STIM1: variants seen among roughly 807,000 people sequenced by gnomAD.
The protein encoded by STIM1 is stromal interaction molecule 1.
Under a neutral mutation model 74.7 loss-of-function variants are expected in STIM1, and 25 were observed. The observed-to-expected ratio is 0.33, with a 90% CI of 0.24 to 0.47. STIM1 has a LOEUF of 0.47. Ranked by LOEUF, STIM1 falls within the 20% of genes least tolerant of loss-of-function variation. The pLI, the probability that STIM1 is intolerant of heterozygous loss-of-function variation, is 1.00. For synonymous variants in STIM1, 328 were observed against 348.8 expected (o/e 0.94, Z 0.66); for missense variants, 728 against 920.8 (o/e 0.79, Z 2.71).
At chr11:3,874,263 C>G (rs2091236655) in intron 1 of STIM1, among the ~76,000 whole-genome samples, 1 of 152,176 alleles carries the variant, frequency 6.6e-6, no homozygotes, top group Admixed American at 6.5e-5. Context: ...AATGGCCTTG[C>G]TCTGTGAGCT....
chr11:4,003,625 C>G (rs1257354498), intron 2 of STIM1, among the ~76,000 whole-genome samples: 2 of 152,118 alleles, frequency 1.3e-5, no homozygotes, highest in Non-Finnish European at 2.9e-5. Context: ...GACCCACAGC[C>G]AATATCATAC....
chr11:3,887,442 G>A (rs976848280), intron 1 of STIM1, among the ~76,000 whole-genome samples: 4 of 152,258 alleles, frequency 2.6e-5, no homozygotes, highest in Middle Eastern at 3.4e-3. Flanking sequence ...GACTGTAATG[G>A]CATGGGTCAA....
At chr11:3,927,137 C>A (rs532262183) in intron 1 of STIM1, among the ~76,000 whole-genome samples, 1 of 152,188 alleles carries the variant, frequency 6.6e-6, no homozygotes, top group Non-Finnish European at 1.5e-5. Context: ...TCTGGCGGTT[C>A]AGATTTGGTC....
intron 1 of STIM1, among the ~76,000 whole-genome samples, chr11:3,887,549 G>T (rs2091753870): frequency 6.6e-6 from 1 of 152,196 alleles, no homozygotes; most frequent in Admixed American, 6.5e-5. Flanking sequence ...AAGGCATTGA[G>T]ACAGGGCCTG....
At chr11:4,042,754 G>C (rs1455912693) in intron 3 of STIM1, among the ~76,000 whole-genome samples, 2 of 152,128 alleles carry the variant, frequency 1.3e-5, no homozygotes, top group African/African-American at 4.8e-5. Context: ...TCTTCTGGCA[G>C]ATCTGCATCT....
At chr11:3,992,094 T>A (rs1333517955) in intron 2 of STIM1, among the ~76,000 whole-genome samples, 1 of 135,902 alleles carries the variant, frequency 7.4e-6, no homozygotes, top group Non-Finnish European at 1.6e-5. Flanking sequence ...TTTTTGTTTT[T>A]TTTTTTTTTT....
intron 2 of STIM1, 150 bp downstream of exon 2, chr11:3,967,832 A>C: frequency 1.7e-6 from 2 of 1,175,270 alleles, no homozygotes; most frequent in Non-Finnish European, 2.5e-6. Flanking sequence ...TGGCTCCCAG[A>C]AGAGCAGCCC....
Position 4,074,548 on chromosome 11 carries a change from G to C in STIM1, c.838G>C (p.Val280Leu), listed in dbSNP as rs200324686. The change falls in exon 7 of 13, where the codon GTC becomes CTC. Residue 280 changes from valine to leucine, a missense_variant. Transcript: ENST00000526596. ...EEHRTVEVEK[V>L]HLEKKLRDEI... ...GCACCGCACAGTGGAGGTGGAGAAG[G>C]TCCATCTGGAAAAGAAGCTGCGCGA... The C allele has an allele frequency of 6.2e-7, 1 of 1,614,184 alleles. No individual in the cohort carries two copies. Among genetic ancestry groups the C allele is most frequent in the East Asian group, 2.2e-5 (1 of 44,884 alleles).
At position 3,870,869 on chromosome 11, in the gene STIM1, C is replaced by CTT. The variant is rs1178631644; in HGVS notation, c.139+14481_139+14482dup. Among the ~76,000 whole-genome samples the CTT allele has an allele frequency of 4.9e-3, 484 of 98,022 alleles. 5 individuals are homozygous for CTT. The highest frequency in any genetic ancestry group is 5.7e-3 in the African/African-American group (152 of 26,586). The allele number at this position is 98,022 out of a possible 152,430, so 64.3% of individuals were successfully genotyped here. Reference sequence around the variant, plus strand: ...GAGTGACCATATCCTATCAGCTACTCTTTTTTTTTTTTTTTTTTTTTTGAG... The same window carrying CTT: ...GAGTGACCATATCCTATCAGCTACTCTTTTTTTTTTTTTTTTTTTTTTTTGAG... On this transcript the variant is annotated intron_variant, in intron 1 of 12. Transcript: ENST00000526596.
intron 1 of STIM1, among the ~76,000 whole-genome samples, chr11:3,874,799 G>A (rs1258000405): frequency 6.6e-6 from 1 of 152,200 alleles, no homozygotes; most frequent in Non-Finnish European, 1.5e-5. Flanking sequence ...ACAGAATGAA[G>A]TTATAGTGCT....
chr11:3,877,044 GA>G, intron 1 of STIM1, among the ~76,000 whole-genome samples: 1 of 151,996 alleles, frequency 6.6e-6, no homozygotes, highest in Non-Finnish European at 1.5e-5. Context: ...GTTATTGGGA[GA>G]GTTGTTTAAA....
chr11:4,066,598 A>T (rs1468031373), intron 5 of STIM1, among the ~76,000 whole-genome samples: 5 of 151,914 alleles, frequency 3.3e-5, no homozygotes, highest in Non-Finnish European at 4.4e-5. Context: ...CTGTAATTCC[A>T]CTTTGGGAGG....
chr11:4,083,765 C>T lies in STIM1; in HGVS notation c.1474+267C>T, dbSNP rs532810264. 1.6e-5 allele frequency: 8 copies of T among 485,222 alleles called. No homozygotes were observed. In the South Asian group the frequency reaches 2.1e-4, roughly 13 times the overall value. 30.1% of individuals were successfully genotyped at this position (485,222 alleles called of 1,614,324 possible). A position where few individuals can be genotyped will look rare whatever the true frequency, so the allele number is the denominator to read the frequency against. On this transcript the variant is annotated intron_variant, in intron 10 of 12. Transcript: ENST00000526596. Reference sequence around the variant, plus strand: ...CCTTCATTCTTTTTCACTTTATTGTCCCTAACTACCACTCTATCTACCTTT... The same window carrying T: ...CCTTCATTCTTTTTCACTTTATTGTTCCTAACTACCACTCTATCTACCTTT...
chr11:3,935,500 C>T (rs2092921570), intron 1 of STIM1, among the ~76,000 whole-genome samples: 1 of 152,194 alleles, frequency 6.6e-6, no homozygotes, highest in Non-Finnish European at 1.5e-5. Context: ...GACATCAGGG[C>T]ACAGTAGACA....
chr11:4,067,077 A>G (rs991489899), intron 5 of STIM1, among the ~76,000 whole-genome samples: 7 of 152,218 alleles, frequency 4.6e-5, no homozygotes, highest in Admixed American at 1.3e-4. Flanking sequence ...TGGCATGTCC[A>G]TCTGAGTATC....
In STIM1 at chr11:3,973,649, G is replaced by A. The variant is rs368705335; in HGVS notation, c.270+5967G>A. Among the ~76,000 whole-genome samples, 4 of 151,940 alleles carry A rather than the reference G, an allele frequency of 2.6e-5. No homozygotes were observed. In the South Asian group the frequency reaches 6.2e-4, roughly 24 times the overall value. On this transcript the variant is annotated intron_variant, in intron 2 of 12. Transcript: ENST00000526596. ...TCCTGGGCAAGTGATCCCCTGCCTCGGCCTCCCAAAGTGCTAGAATTACAG... is the reference window on the plus strand; with the variant it reads ...TCCTGGGCAAGTGATCCCCTGCCTCAGCCTCCCAAAGTGCTAGAATTACAG...
chr11:3,859,174 T>A (rs2135192780), intron 1 of STIM1, among the ~76,000 whole-genome samples: 1 of 152,316 alleles, frequency 6.6e-6, no homozygotes, highest in African/African-American at 2.4e-5. Flanking sequence ...AAATATTTGA[T>A]CCTAAGATTG....
In STIM1 at chr11:3,992,150, C is replaced by G. The variant is rs1209555657; in HGVS notation, c.270+24468C>G. ...AACTTTGCGTCCTGGTATGGTGGCT[C>G]ATGCCTGTAATCCCAGCGCTTTGGG... On this transcript the variant is annotated intron_variant, in intron 2 of 12. Transcript: ENST00000526596. Among the ~76,000 whole-genome samples the G allele has an allele frequency of 3.1e-5, 4 of 128,912 alleles. No individual in the cohort carries two copies. The East Asian group carries it at 9.6e-4, about 31-fold the overall frequency. 84.6% of individuals were successfully genotyped at this position (128,912 alleles called of 152,430 possible). A position where few individuals can be genotyped will look rare whatever the true frequency, so the allele number is the denominator to read the frequency against.
At chr11:3,979,737 G>A (rs1023721602) in intron 2 of STIM1, among the ~76,000 whole-genome samples, 12 of 152,146 alleles carry the variant, frequency 7.9e-5, no homozygotes, top group Non-Finnish European at 1.8e-4. Flanking sequence ...ACTGCACCTT[G>A]GCTACCTTTG....
Sources: gnomAD v4.1 joint callset for allele counts (sites outside exome capture counted in the v4.1 genomes callset) on GRCh38, gnomAD v4.1.1 for gene constraint, MANE v1.5 for transcripts, NCBI Gene and HGNC (gene_info 2026-07-23, HGNC 2026-07-21) for gene names.